LHFPL6: variants seen among roughly 807,000 people sequenced by gnomAD.
LHFPL6 encodes LHFPL tetraspan subfamily member 6 protein.
In LHFPL6, 9 loss-of-function variants were observed where a neutral mutation model predicts 20.6. The observed-to-expected ratio is 0.44, with a 90% CI of 0.26 to 0.76. LHFPL6 has a LOEUF of 0.76. Ranked by LOEUF, LHFPL6 falls within the 30% of genes least tolerant of loss-of-function variation. The pLI, the probability that LHFPL6 is intolerant of heterozygous loss-of-function variation, is 0.20. For missense variants in LHFPL6, 218 were observed against 253.5 expected, an observed-to-expected ratio of 0.86 and a Z score of 0.95; for synonymous variants, 105 against 98.7, an observed-to-expected ratio of 1.06 and a Z score of -0.38.
chr13:39,425,600 GT>G (rs560102509), intron 2 of LHFPL6, among the ~76,000 whole-genome samples: 1 of 152,126 alleles, frequency 6.6e-6, no homozygotes, highest in Non-Finnish European at 1.5e-5. Flanking sequence ...GTGTATTGTG[GT>G]TTTTGATTTG....
At chr13:39,413,604 T>TTTAG (rs1871285432) in intron 2 of LHFPL6, among the ~76,000 whole-genome samples, 3 of 148,490 alleles carry the variant, frequency 2.0e-5, no homozygotes, top group Admixed American at 6.7e-5. Context: ...TTTTTTTTCT[T>TTTAG]TAAGTAAGTT....
chr13:39,582,386 T>G (rs944260388), intron 2 of LHFPL6, among the ~76,000 whole-genome samples: 3 of 152,182 alleles, frequency 2.0e-5, no homozygotes, highest in Admixed American at 6.5e-5. Flanking sequence ...CCAGTGAGAC[T>G]TTTATCAAAC....
At chr13:39,569,160 T>TGGACGGACGGAC (rs1871829241) in intron 2 of LHFPL6, among the ~76,000 whole-genome samples, 2 of 100,708 alleles carry the variant, frequency 2.0e-5, no homozygotes, top group Non-Finnish European at 4.1e-5. Context: ...GACGGACGGA[T>TGGACGGACGGAC]GGATGGATGG....
intron 2 of LHFPL6, among the ~76,000 whole-genome samples, chr13:39,551,472 C>A (rs73466877): frequency 1.3e-5 from 2 of 151,558 alleles, no homozygotes; most frequent in Non-Finnish European, 2.9e-5. Flanking sequence ...AAATTTCCAA[C>A]ACATGAACTT....
intron 2 of LHFPL6, among the ~76,000 whole-genome samples, chr13:39,455,167 G>GA (rs974794886): frequency 7.2e-5 from 11 of 151,808 alleles, no homozygotes; most frequent in Admixed American, 3.9e-4. Flanking sequence ...CAACTCCCTC[G>GA]AAAAAAACCA....
At chr13:39,429,793 T>C (rs553627327) in intron 2 of LHFPL6, among the ~76,000 whole-genome samples, 2 of 152,286 alleles carry the variant, frequency 1.3e-5, no homozygotes, top group South Asian at 4.1e-4. Flanking sequence ...AAACAAGTCT[T>C]TGTCAAGGCC....
chr13:39,404,965 T>C (rs1028157560), intron 2 of LHFPL6, among the ~76,000 whole-genome samples: 1 of 152,170 alleles, frequency 6.6e-6, no homozygotes, highest in African/African-American at 2.4e-5. Context: ...TAACCAAATA[T>C]TTGAGTACTA....
intron 2 of LHFPL6, among the ~76,000 whole-genome samples, chr13:39,414,973 T>C (rs765770841): frequency 2.0e-4 from 31 of 152,298 alleles, no homozygotes; most frequent in Admixed American, 5.2e-4. Flanking sequence ...GGGGTGGACA[T>C]GGTACTTTTT....
chr13:39,599,167 G>T (rs931361143), intron 2 of LHFPL6, among the ~76,000 whole-genome samples: 4 of 152,092 alleles, frequency 2.6e-5, no homozygotes, highest in Non-Finnish European at 5.9e-5. Flanking sequence ...GCATTTTCCT[G>T]TTCTGCCAGA....
intron 2 of LHFPL6, among the ~76,000 whole-genome samples, chr13:39,414,216 T>C (rs986553980): frequency 6.6e-6 from 1 of 152,204 alleles, no homozygotes; most frequent in African/African-American, 2.4e-5. Context: ...TAAAAGCATT[T>C]AGAAAGATAT....
intron 2 of LHFPL6, among the ~76,000 whole-genome samples, chr13:39,492,199 G>T (rs1427280127): frequency 6.6e-6 from 1 of 152,174 alleles, no homozygotes; most frequent in African/African-American, 2.4e-5. Context: ...TACTGATTTA[G>T]GGAAATCTGT....
chr13:39,426,719 C>T (rs1192996805), intron 2 of LHFPL6, among the ~76,000 whole-genome samples: 1 of 152,100 alleles, frequency 6.6e-6, no homozygotes, highest in Non-Finnish European at 1.5e-5. Context: ...AAATAGTTTG[C>T]TTACCCTTAG....
intron 2 of LHFPL6, among the ~76,000 whole-genome samples, chr13:39,519,065 G>C (rs575440575): frequency 6.6e-6 from 1 of 151,996 alleles, no homozygotes; most frequent in Non-Finnish European, 1.5e-5. Flanking sequence ...GCAAAACCTC[G>C]TCTCTACTAA....
intron 3 of LHFPL6, among the ~76,000 whole-genome samples, chr13:39,352,990 A>ATATATAAT (rs1263177836): frequency 8.1e-4 from 68 of 84,254 alleles, no homozygotes; most frequent in African/African-American, 3.2e-3. Flanking sequence ...TATATATATA[A>ATATATAAT]TTTTTTTTTT....
intron 2 of LHFPL6, among the ~76,000 whole-genome samples, chr13:39,600,145 G>C (rs1229137622): frequency 6.6e-6 from 1 of 152,234 alleles, no homozygotes; most frequent in Non-Finnish European, 1.5e-5. Context: ...TCTGGCGTTA[G>C]TGAAACTATC....
intron 2 of LHFPL6, among the ~76,000 whole-genome samples, chr13:39,565,992 G>A (rs1380262187): frequency 6.6e-6 from 1 of 152,144 alleles, no homozygotes; most frequent in Non-Finnish European, 1.5e-5. Flanking sequence ...TGGTTTAATT[G>A]GATTTTTAAA....
At chr13:39,411,919 G>A (rs897842053) in intron 2 of LHFPL6, among the ~76,000 whole-genome samples, 43 of 152,300 alleles carry the variant, frequency 2.8e-4, no homozygotes, top group African/African-American at 9.4e-4. Context: ...GATGTGTGCT[G>A]TTTCTCATCA....
chr13:39,495,382 T>C, intron 2 of LHFPL6, among the ~76,000 whole-genome samples: 1 of 152,218 alleles, frequency 6.6e-6, no homozygotes, highest in Non-Finnish European at 1.5e-5. Flanking sequence ...CAATCATGTA[T>C]GGAATTTCTC....
chr13:39,348,178 G>A (rs1314872985), intron 3 of LHFPL6, among the ~76,000 whole-genome samples: 3 of 152,218 alleles, frequency 2.0e-5, no homozygotes, highest in African/African-American at 7.2e-5. Context: ...GTAAGTGGCA[G>A]GGGAGCTACA....
Sources: allele counts gnomAD v4.1 joint callset (sites outside exome capture counted in the v4.1 genomes callset), GRCh38; gene constraint gnomAD v4.1.1; transcripts MANE v1.5; gene names NCBI Gene and HGNC (gene_info 2026-07-23, HGNC 2026-07-21).